GRID1: variants seen among roughly 807,000 people sequenced by gnomAD.
GRID1 encodes glutamate receptor ionotropic, delta-1.
A neutral mutation model predicts 98.0 loss-of-function variants in GRID1; 28 were observed. The ratio of observed to expected loss-of-function variants is 0.29; its 90% CI spans 0.21 to 0.39. The LOEUF is 0.39. GRID1 is among the 10% of genes least tolerant of loss of function. GRID1 has a pLI of 1.00. For synonymous variants in GRID1, 553 were observed against 538.5 expected (o/e 1.03, Z -0.37); for missense variants, 1,111 against 1,340.5 (o/e 0.83, Z 2.67).
intron 2 of GRID1, among the ~76,000 whole-genome samples, chr10:86,266,365 C>T (rs1847102893): frequency 6.6e-6 from 1 of 152,210 alleles, no homozygotes; most frequent in Non-Finnish European, 1.5e-5. Flanking sequence ...GGCATCCCTG[C>T]CTACCCCCAA....
chr10:86,295,147 C>T (rs1280444233), intron 2 of GRID1, among the ~76,000 whole-genome samples: 3 of 152,136 alleles, frequency 2.0e-5, no homozygotes, highest in Non-Finnish European at 4.4e-5. Flanking sequence ...TCAAGAGCTT[C>T]GCTGTAAGTG....
rs1247675095 is a variant in GRID1 at position 85,602,352 on chromosome 10, G to A, written c.2951C>T (p.Pro984Leu). ...GLFRQSPVKT[P>L]IPMSFQPVPG... Reference sequence around the variant, plus strand: ...CACGGGCTGGAAGGACATGGGGATGGGGGTCTTCACCGGGCTCTGCCGGAA... The same window carrying A: ...CACGGGCTGGAAGGACATGGGGATGAGGGTCTTCACCGGGCTCTGCCGGAA... The change falls in exon 16 of 16, where the codon CCC (proline) becomes CTC (leucine). Residue 984 changes from proline (P) to leucine (L), a missense_variant. Transcript: ENST00000327946. The A allele has an allele frequency of 6.3e-7, 1 of 1,592,040 alleles. No homozygotes were observed. The highest frequency in any genetic ancestry group is 8.6e-7 in the Non-Finnish European group (1 of 1,166,742).
intron 4 of GRID1, among the ~76,000 whole-genome samples, chr10:85,966,399 T>C (rs1199727991): frequency 1.3e-5 from 2 of 152,140 alleles, no homozygotes; most frequent in Non-Finnish European, 2.9e-5. Flanking sequence ...TGAGACCATA[T>C]ATAAGTAGAA....
At chr10:86,000,949 G>A (rs1842795713) in intron 4 of GRID1, among the ~76,000 whole-genome samples, 1 of 152,104 alleles carries the variant, frequency 6.6e-6, no homozygotes, top group South Asian at 2.1e-4. Context: ...ACAACCACTT[G>A]TTCTTCAGCG....
intron 8 of GRID1, among the ~76,000 whole-genome samples, chr10:85,840,448 A>T (rs189986200): frequency 4.2e-4 from 64 of 152,298 alleles, no homozygotes; most frequent in African/African-American, 1.3e-3. Flanking sequence ...GCGCTCTCTC[A>T]CCACTTCTAT....
chr10:85,652,958 G>A (rs1256035389), intron 12 of GRID1, among the ~76,000 whole-genome samples: 1 of 152,134 alleles, frequency 6.6e-6, no homozygotes, highest in East Asian at 1.9e-4. Flanking sequence ...ATGAGACAAA[G>A]AAACAAACAT....
At chr10:86,100,286 G>C (rs1423582862) in intron 4 of GRID1, among the ~76,000 whole-genome samples, 1 of 152,144 alleles carries the variant, frequency 6.6e-6, no homozygotes, top group Non-Finnish European at 1.5e-5. Context: ...AGCACTTCTT[G>C]TGTGCAGGAC....
At chr10:85,629,744 T>C (rs539794774) in intron 13 of GRID1, among the ~76,000 whole-genome samples, 5 of 152,348 alleles carry the variant, frequency 3.3e-5, no homozygotes, top group Admixed American at 3.3e-4. Context: ...AGTAGTGAGA[T>C]TGCTGGGTAG....
intron 6 of GRID1, among the ~76,000 whole-genome samples, chr10:85,860,178 G>A (rs527330889): frequency 6.6e-6 from 1 of 152,264 alleles, no homozygotes; most frequent in South Asian, 2.1e-4. Context: ...CCCTCATATT[G>A]TAGGTTATGC....
At chr10:85,627,790 A>G (rs2132531126) in intron 13 of GRID1, among the ~76,000 whole-genome samples, 1 of 152,276 alleles carries the variant, frequency 6.6e-6, no homozygotes, top group East Asian at 1.9e-4. Context: ...CGAAGGCAAA[A>G]CACTGTACCT....
At chr10:86,292,498 T>G (rs1847528884) in intron 2 of GRID1, among the ~76,000 whole-genome samples, 1 of 152,244 alleles carries the variant, frequency 6.6e-6, no homozygotes, top group African/African-American at 2.4e-5. Context: ...AAACTGGAGT[T>G]GAGCTCACAG....
Position 86,169,804 on chromosome 10 carries a change from A to G in GRID1, c.521-30780T>C, listed in dbSNP as rs12257820. On this transcript the variant is annotated intron_variant, in intron 3 of 15. Coordinates refer to ENST00000327946, the MANE Select transcript of GRID1 (RefSeq NM_017551.3). ...CATGGCCTGCAGGAGGAACTCCCCA[A>G]AGATGTCCCATCCTGGGAGATTTAC... Among the ~76,000 whole-genome samples, 331 of 152,288 alleles carry G rather than the reference A, an allele frequency of 2.2e-3. 1 individual carries two copies. Among genetic ancestry groups the G allele is most frequent in the African/African-American group, 7.9e-3 (330 of 41,562 alleles).
chr10:86,088,876 A>C (rs963970235), intron 4 of GRID1, among the ~76,000 whole-genome samples: 1 of 151,994 alleles, frequency 6.6e-6, no homozygotes. Flanking sequence ...TCAGCAACCC[A>C]GAAAGATCAA....
At position 85,853,530 on chromosome 10, in the gene GRID1, G is replaced by A. The variant is rs547923490; in HGVS notation, c.1233+966C>T. Reference sequence around the variant, plus strand: ...ATCAGTCAATGCTTTCATTATTTCCGGAGAAGACCAAGCCACTGTGGCCCA... The same window carrying A: ...ATCAGTCAATGCTTTCATTATTTCCAGAGAAGACCAAGCCACTGTGGCCCA... On this transcript the variant is annotated intron_variant, in intron 8 of 15. Transcript: ENST00000327946. 8.6e-5 allele frequency among the ~76,000 whole-genome samples: 13 copies of A among 151,156 alleles called. No homozygotes were observed. The South Asian group carries it at 1.5e-3, about 17-fold the overall frequency.
At position 85,704,421 on chromosome 10, in the gene GRID1, A is replaced by C. The variant is rs532572455; in HGVS notation, c.1997+18582T>G. Among the ~76,000 whole-genome samples, 14 of 152,360 alleles carry C rather than the reference A, an allele frequency of 9.2e-5. No homozygotes were observed. The East Asian group carries it at 2.1e-3, about 23-fold the overall frequency. ...ATCAATTCAACAAGAAGAGCTAACTATCCTAAATATATATGCACCCAATAC... is the reference window on the plus strand; with the variant it reads ...ATCAATTCAACAAGAAGAGCTAACTCTCCTAAATATATATGCACCCAATAC... On this transcript the variant is annotated intron_variant, in intron 12 of 15. Coordinates refer to ENST00000327946, the MANE Select transcript of GRID1 (RefSeq NM_017551.3).
intron 8 of GRID1, among the ~76,000 whole-genome samples, chr10:85,771,884 C>G (rs1300192504): frequency 6.6e-6 from 1 of 152,152 alleles, no homozygotes; most frequent in Non-Finnish European, 1.5e-5. Context: ...GAGACTTTAA[C>G]ACCCCACTGT....
At chr10:85,889,235 C>A (rs1255595808) in intron 5 of GRID1, among the ~76,000 whole-genome samples, 1 of 152,044 alleles carries the variant, frequency 6.6e-6, no homozygotes, top group Non-Finnish European at 1.5e-5. Context: ...AGAGACATGC[C>A]CCTTTCTGCA....
At chr10:85,742,905 T>C (rs987539391) in intron 8 of GRID1, among the ~76,000 whole-genome samples, 1 of 152,168 alleles carries the variant, frequency 6.6e-6, no homozygotes, top group African/African-American at 2.4e-5. Context: ...CTGACACTAT[T>C]GGCATTTGGG....
chr10:85,601,961 A>C lies in GRID1; in HGVS notation c.*312T>G. ...CTCCTGCCCTCAGAAAGGCCCAGGAATGGGGGGGCTCCTTTGGCACTTCAG... is the reference window on the plus strand; with the variant it reads ...CTCCTGCCCTCAGAAAGGCCCAGGACTGGGGGGGCTCCTTTGGCACTTCAG... On this transcript the variant is annotated 3_prime_UTR_variant, in exon 16 of 16. Coordinates refer to ENST00000327946, the MANE Select transcript of GRID1 (RefSeq NM_017551.3). The C allele has an allele frequency of 4.7e-5, 12 of 254,670 alleles. No individual in the cohort carries two copies. The highest frequency in any genetic ancestry group is 2.2e-4 in the East Asian group (3 of 13,770). 15.8% of individuals were successfully genotyped at this position (254,670 alleles called of 1,614,324 possible).
Sources: gnomAD v4.1 joint callset for allele counts (sites outside exome capture counted in the v4.1 genomes callset) on GRCh38, gnomAD v4.1.1 for gene constraint, MANE v1.5 for transcripts, NCBI Gene and HGNC (gene_info 2026-07-23, HGNC 2026-07-21) for gene names.